The following PREP variants were observed in gnomAD, a reference collection of about 807,000 sequenced individuals.
The protein encoded by PREP is dJ355L5.1 (prolyl endopeptidase).
Under a neutral mutation model 87.6 loss-of-function variants are expected in PREP, and 29 were observed. The observed-to-expected ratio is 0.33, with a 90% CI of 0.25 to 0.45. PREP has a LOEUF of 0.45. Ranked by LOEUF, PREP falls within the 20% of genes least tolerant of loss-of-function variation. The probability of loss-of-function intolerance (pLI) is 1.00; values close to 1 mark genes in which losing one functional copy is unlikely to be tolerated. For missense variants in PREP, 695 were observed against 886.5 expected (o/e 0.78, Z 2.74); for synonymous variants, 337 against 328.6 (o/e 1.03, Z -0.28).
rs761253352 is a variant in PREP, at chr6:105,276,004, C to G, written c.*2140G>C. Among the ~76,000 whole-genome samples the G allele has an allele frequency of 1.1e-4, 17 of 152,150 alleles. No homozygotes were observed. Among genetic ancestry groups the G allele is most frequent in the Non-Finnish European group, 2.4e-4 (16 of 68,030 alleles). On this transcript the variant is annotated 3_prime_UTR_variant, in exon 15 of 15. Coordinates refer to ENST00000652536, the MANE Select transcript of PREP (RefSeq NM_002726.5). ...TAATCTACTGTGCATTTCAAAATAG[C>G]TAGAAGAGAGTAATCATAAGAAAGA...
intron 2 of PREP, among the ~76,000 whole-genome samples, chr6:105,385,888 A>C (rs529545935): frequency 2.0e-5 from 3 of 152,288 alleles, no homozygotes; most frequent in Non-Finnish European, 4.4e-5. Context: ...TTAGGAGGCC[A>C]AGGCAGGCAG....
chr6:105,295,749 C>G (rs1770396961), intron 10 of PREP, among the ~76,000 whole-genome samples: 1 of 152,154 alleles, frequency 6.6e-6, no homozygotes, highest in African/African-American at 2.4e-5. Context: ...CGGGCTAATA[C>G]TGGGCTATGA....
intron 5 of PREP, among the ~76,000 whole-genome samples, chr6:105,370,050 G>C (rs1476498028): frequency 6.6e-6 from 1 of 151,918 alleles, no homozygotes; most frequent in African/African-American, 2.4e-5. Flanking sequence ...TCAGGAGTTC[G>C]AGACCAGCCT....
At chr6:105,331,564 G>A (rs554872383) in intron 8 of PREP, among the ~76,000 whole-genome samples, 2 of 152,174 alleles carry the variant, frequency 1.3e-5, no homozygotes, top group Non-Finnish European at 2.9e-5. Flanking sequence ...ATGCAGCAAC[G>A]CATGAGGTCA....
At chr6:105,284,149 A>G (rs1371101598) in intron 12 of PREP, among the ~76,000 whole-genome samples, 2 of 152,062 alleles carry the variant, frequency 1.3e-5, no homozygotes, top group African/African-American at 4.8e-5. Flanking sequence ...TTTAGTGTAA[A>G]CTCTAATATC....
Position 105,277,960 on chromosome 6 carries a change from G to C in PREP, c.*184C>G. The C allele has an allele frequency of 2.4e-6, 2 of 845,228 alleles. No homozygotes were observed. The highest frequency in any genetic ancestry group is 3.7e-6 in the Non-Finnish European group (2 of 544,594). 52.4% of individuals were successfully genotyped at this position (845,228 alleles called of 1,614,324 possible). On this transcript the variant is annotated 3_prime_UTR_variant, in exon 15 of 15. Coordinates refer to ENST00000652536, the MANE Select transcript of PREP (RefSeq NM_002726.5). Reference sequence around the variant, plus strand: ...GACAGGGTGGAAAAAGAAACACCAAGGCCTTGCTAAAAAGGAGAAGCCTAA... The same window carrying C: ...GACAGGGTGGAAAAAGAAACACCAACGCCTTGCTAAAAAGGAGAAGCCTAA...
At chr6:105,378,286 C>T (rs1314345732) in intron 2 of PREP, among the ~76,000 whole-genome samples, 2 of 152,184 alleles carry the variant, frequency 1.3e-5, no homozygotes, top group Non-Finnish European at 2.9e-5. Context: ...TGGCGAAACC[C>T]TGTCTCTACT....
chr6:105,367,532 C>T (rs556620163), intron 6 of PREP, among the ~76,000 whole-genome samples: 102 of 151,906 alleles, frequency 6.7e-4, no homozygotes, highest in Non-Finnish European at 1.2e-3. Context: ...ATATGCCGGG[C>T]GTAGTGGCGG....
At chr6:105,321,022 C>A (rs1443040346) in intron 10 of PREP, among the ~76,000 whole-genome samples, 1 of 152,196 alleles carries the variant, frequency 6.6e-6, no homozygotes, top group Non-Finnish European at 1.5e-5. Flanking sequence ...AACCACTGCA[C>A]AACAGATTTT....
At chr6:105,285,408 TC>T (rs1415405009) in intron 12 of PREP, 77 bp downstream of exon 12, 2 of 1,432,804 alleles carry the variant, frequency 1.4e-6, no homozygotes, top group Non-Finnish European at 2.0e-6. Context: ...CCCCTTCAGC[TC>T]ATTCAAACAG....
intron 7 of PREP, among the ~76,000 whole-genome samples, chr6:105,338,240 C>T (rs556520605): frequency 1.3e-5 from 2 of 152,252 alleles, no homozygotes; most frequent in African/African-American, 4.8e-5. Flanking sequence ...AAATAACCAC[C>T]TTATGGTTTC....
intron 1 of PREP, among the ~76,000 whole-genome samples, chr6:105,402,556 G>A (rs376037982): frequency 1.3e-5 from 2 of 152,272 alleles, no homozygotes; most frequent in East Asian, 3.9e-4. Flanking sequence ...ACTCCCTGAA[G>A]ACACCCATTC....
rs1363716503 is a variant in PREP, at chr6:105,400,214, C to G, written c.46-2287G>C. Among the ~76,000 whole-genome samples the G allele has an allele frequency of 2.6e-5, 4 of 152,264 alleles. No individual in the cohort carries two copies. In the East Asian group the frequency reaches 7.7e-4, roughly 29 times the overall value. ...ACCTGATTTAAGTTTGCTAATCATT[C>G]TTGATCTCCTCAAGAAGCTTTAAAA... On this transcript the variant is annotated intron_variant, in intron 1 of 14. Coordinates refer to ENST00000652536, the MANE Select transcript of PREP (RefSeq NM_002726.5).
intron 9 of PREP, among the ~76,000 whole-genome samples, chr6:105,327,257 C>T (rs1771188210): frequency 6.6e-6 from 1 of 152,096 alleles, no homozygotes; most frequent in South Asian, 2.1e-4. Flanking sequence ...AATGATTTTC[C>T]TCATCTGTCC....
At chr6:105,353,895 C>T (rs1265839597) in intron 6 of PREP, among the ~76,000 whole-genome samples, 2 of 151,908 alleles carry the variant, frequency 1.3e-5, no homozygotes, top group African/African-American at 4.8e-5. Context: ...TTAGTCCCTT[C>T]TACTGCAAGA....
At position 105,351,335 on chromosome 6, in the gene PREP, T is replaced by C. The variant is rs578080029; in HGVS notation, c.823+1637A>G. Among the ~76,000 whole-genome samples, 7 of 152,324 alleles carry C rather than the reference T, an allele frequency of 4.6e-5. No homozygotes were observed. The South Asian group carries it at 1.5e-3, about 32-fold the overall frequency. On this transcript the variant is annotated intron_variant, in intron 7 of 14. Coordinates refer to ENST00000652536, the MANE Select transcript of PREP (RefSeq NM_002726.5). ...AGAGTTTCTTAGATGCTCCCCTTTATTCTTCCTCATATTCATTCTTAGCTA... is the reference window on the plus strand; with the variant it reads ...AGAGTTTCTTAGATGCTCCCCTTTACTCTTCCTCATATTCATTCTTAGCTA...
chr6:105,377,571 T>C (rs751992227), intron 2 of PREP, 52 bp from the exon 3 acceptor site: 16 of 1,581,728 alleles, frequency 1.0e-5, no homozygotes, highest in African/African-American at 9.5e-5. Flanking sequence ...ATTTTCCATG[T>C]GAAATATTAT....
chr6:105,291,859 T>C (rs574441983), intron 10 of PREP, among the ~76,000 whole-genome samples: 9 of 152,354 alleles, frequency 5.9e-5, no homozygotes, highest in African/African-American at 1.9e-4. Flanking sequence ...ACTAAAACCT[T>C]TGTTGTCATT....
chr6:105,277,956 C>A lies in PREP; in HGVS notation c.*188G>T. ...CCTAGACAGGGTGGAAAAAGAAACACCAAGGCCTTGCTAAAAAGGAGAAGC... is the reference window on the plus strand; with the variant it reads ...CCTAGACAGGGTGGAAAAAGAAACAACAAGGCCTTGCTAAAAAGGAGAAGC... On this transcript the variant is annotated 3_prime_UTR_variant, in exon 15 of 15. Coordinates refer to ENST00000652536, the MANE Select transcript of PREP (RefSeq NM_002726.5). 2 of 835,122 alleles carry A rather than the reference C, an allele frequency of 2.4e-6. No homozygotes were observed. Among genetic ancestry groups the A allele is most frequent in the Middle Eastern group, 3.7e-4 (1 of 2,684 alleles). 51.7% of individuals were successfully genotyped at this position (835,122 alleles called of 1,614,324 possible).
Sources: gnomAD v4.1 joint callset for allele counts (sites outside exome capture counted in the v4.1 genomes callset) on GRCh38, gnomAD v4.1.1 for gene constraint, MANE v1.5 for transcripts, NCBI Gene and HGNC (gene_info 2026-07-23, HGNC 2026-07-21) for gene names.